The following AGMO variants were observed in gnomAD, a reference collection of about 807,000 sequenced individuals.
AGMO encodes the protein glyceryl-ether monooxygenase.
A neutral mutation model predicts 60.2 loss-of-function variants in AGMO; 75 were observed. The ratio of observed to expected loss-of-function variants is 1.25; its 90% CI spans 1.03 to 1.51. AGMO has a LOEUF of 1.51. Among genes scored for constraint, AGMO ranks in the 40% most tolerant of loss-of-function variants. The pLI, the probability that AGMO is intolerant of heterozygous loss-of-function variation, is 0.00. For synonymous variants in AGMO, 261 were observed against 177.1 expected, an observed-to-expected ratio of 1.47 and a Z score of -3.76; for missense variants, 763 against 525.5, an observed-to-expected ratio of 1.45 and a Z score of -4.42.
chr7:15,232,257 A>T (rs1782283263), intron 12 of AGMO, among the ~76,000 whole-genome samples: 1 of 152,178 alleles, frequency 6.6e-6, no homozygotes, highest in Non-Finnish European at 1.5e-5. Flanking sequence ...CCTTCTTACA[A>T]GACATGGGAA....
At chr7:15,509,498 G>A (rs1783616369) in intron 3 of AGMO, among the ~76,000 whole-genome samples, 1 of 151,910 alleles carries the variant, frequency 6.6e-6, no homozygotes, top group Non-Finnish European at 1.5e-5. Context: ...AAACATATGG[G>A]GAAAGTTCCT....
intron 12 of AGMO, among the ~76,000 whole-genome samples, chr7:15,314,177 G>A (rs1430085275): frequency 6.6e-6 from 1 of 152,006 alleles, no homozygotes; most frequent in Non-Finnish European, 1.5e-5. Context: ...CATCCGGGGT[G>A]AGACTGAGCA....
intron 3 of AGMO, among the ~76,000 whole-genome samples, chr7:15,509,382 AT>A (rs1034317760): frequency 2.0e-5 from 3 of 147,462 alleles, no homozygotes; most frequent in African/African-American, 8.1e-5. Flanking sequence ...AAAAAAAAAA[AT>A]AAAAATGAAA....
intron 12 of AGMO, among the ~76,000 whole-genome samples, chr7:15,351,051 A>AT (rs1782226440): frequency 6.6e-6 from 1 of 152,100 alleles, no homozygotes; most frequent in Admixed American, 6.6e-5. Flanking sequence ...TAAGCAGCTA[A>AT]TTTTTTCAGC....
In AGMO at chr7:15,525,335, T is replaced by C. The variant is rs545281062; in HGVS notation, c.409+19437A>G. ...AATCTGCGGACTAGATTGAGAACCCTTCCTCCCATTTGGTATGACTTCCTC... is the reference window on the plus strand; with the variant it reads ...AATCTGCGGACTAGATTGAGAACCCCTCCTCCCATTTGGTATGACTTCCTC... On this transcript the variant is annotated intron_variant, in intron 3 of 12. Transcript: ENST00000342526. 2.9e-4 allele frequency among the ~76,000 whole-genome samples: 44 copies of C among 152,182 alleles called. No homozygotes were observed. In the East Asian group the frequency reaches 8.0e-3, roughly 28 times the overall value.
chr7:15,237,051 C>T (rs1238639999), intron 12 of AGMO, among the ~76,000 whole-genome samples: 1 of 152,058 alleles, frequency 6.6e-6, no homozygotes, highest in African/African-American at 2.4e-5. Context: ...CCTTTGAATA[C>T]CTTTTTAAAG....
chr7:15,508,507 G>A (rs955145352), intron 3 of AGMO, among the ~76,000 whole-genome samples: 5 of 152,108 alleles, frequency 3.3e-5, no homozygotes, highest in Non-Finnish European at 7.4e-5. Flanking sequence ...TTCATAACAT[G>A]TTCTGTTAGG....
At chr7:15,332,975 T>C (rs1408935059) in intron 12 of AGMO, among the ~76,000 whole-genome samples, 1 of 152,152 alleles carries the variant, frequency 6.6e-6, no homozygotes, top group Admixed American at 6.6e-5. Context: ...TGCTTCTCCC[T>C]GCCTTAATTT....
intron 3 of AGMO, among the ~76,000 whole-genome samples, 199 bp downstream of exon 3, chr7:15,544,573 T>C (rs1364343483): frequency 6.6e-6 from 1 of 152,136 alleles, no homozygotes; most frequent in Admixed American, 6.6e-5. Flanking sequence ...CTTCCAATAA[T>C]TTCATATCAT....
At chr7:15,354,461 C>CAG (rs1371915476) in intron 12 of AGMO, among the ~76,000 whole-genome samples, 1 of 16,422 alleles carries the variant, frequency 6.1e-5, no homozygotes, top group Non-Finnish European at 9.9e-5. Flanking sequence ...TGTATACACA[C>CAG]GTGTGTGTAT....
At chr7:15,311,617 A>C (rs990892553) in intron 12 of AGMO, among the ~76,000 whole-genome samples, 1 of 152,152 alleles carries the variant, frequency 6.6e-6, no homozygotes, top group Non-Finnish European at 1.5e-5. Context: ...AAGCAAATAC[A>C]AATTCCCTCT....
rs189796203 is a variant in AGMO, at chr7:15,408,964, T to C, written c.609+9594A>G. On this transcript the variant is annotated intron_variant, in intron 5 of 12. Transcript: ENST00000342526. The stretch of plus-strand genomic sequence containing the variant: ...GTATGGAATAATAGCATATGGAAAA[T>C]ATGAAAAGAAGAGAAAATGCAAAAA... Among the ~76,000 whole-genome samples, 33 of 150,982 alleles carry C rather than the reference T, an allele frequency of 2.2e-4. No homozygotes were observed. The East Asian group carries it at 5.8e-3, about 27-fold the overall frequency.
At chr7:15,437,161 C>A (rs1025774100) in intron 3 of AGMO, among the ~76,000 whole-genome samples, 11 of 152,074 alleles carry the variant, frequency 7.2e-5, no homozygotes, top group African/African-American at 2.7e-4. Flanking sequence ...CCATGAATAA[C>A]AATAAATATA....
At chr7:15,322,677 T>TAA (rs1781195459) in intron 12 of AGMO, among the ~76,000 whole-genome samples, 1 of 68,814 alleles carries the variant, frequency 1.5e-5, no homozygotes, top group African/African-American at 8.7e-5. Flanking sequence ...TATAAATATA[T>TAA]GTATATATAA....
chr7:15,455,646 C>T (rs1781982349), intron 3 of AGMO, among the ~76,000 whole-genome samples: 1 of 152,060 alleles, frequency 6.6e-6, no homozygotes, highest in Non-Finnish European at 1.5e-5. Context: ...TTATTCTATT[C>T]ACATGCTTGA....
intron 12 of AGMO, among the ~76,000 whole-genome samples, chr7:15,210,048 T>C (rs187599474): frequency 2.3e-4 from 35 of 152,288 alleles, no homozygotes; most frequent in Non-Finnish European, 5.9e-5. Context: ...TAATAACTTT[T>C]ATTATTAAAA....
chr7:15,478,614 T>C (rs1782660415), intron 3 of AGMO, among the ~76,000 whole-genome samples: 1 of 152,078 alleles, frequency 6.6e-6, no homozygotes, highest in Admixed American at 6.6e-5. Flanking sequence ...CAAAATCCTG[T>C]GGAATTTGCT....
At chr7:15,355,873 T>C (rs1782511797) in intron 12 of AGMO, among the ~76,000 whole-genome samples, 1 of 152,178 alleles carries the variant, frequency 6.6e-6, no homozygotes, top group East Asian at 1.9e-4. Context: ...AGGACTGATA[T>C]TATAATCATA....
At chr7:15,549,755 C>T (rs1231916739) in intron 2 of AGMO, among the ~76,000 whole-genome samples, 1 of 151,326 alleles carries the variant, frequency 6.6e-6, no homozygotes, top group Non-Finnish European at 1.5e-5. Context: ...TTAGACAGAT[C>T]AACGAGACAG....
Sources: allele counts gnomAD v4.1 joint callset (sites outside exome capture counted in the v4.1 genomes callset), GRCh38; gene constraint gnomAD v4.1.1; transcripts MANE v1.5; gene names NCBI Gene and HGNC (gene_info 2026-07-23, HGNC 2026-07-21).